The following EMCN variants were observed in gnomAD, a reference collection of about 807,000 sequenced individuals.
The protein encoded by EMCN is endomucin, also known as MUC-14.
In EMCN, 37 loss-of-function variants were observed where a neutral mutation model predicts 38.4. That is an observed-to-expected ratio of 0.96 (90% CI 0.74 to 1.27). The LOEUF is 1.27. Among genes scored for constraint, EMCN ranks in the 50% most tolerant of loss-of-function variants. The pLI is 0.00. For synonymous variants in EMCN, 95 were observed against 100.8 expected (o/e 0.94, Z 0.35); for missense variants, 318 against 302.8 (o/e 1.05, Z -0.37).
chr4:100,430,255 G>A (rs1727159927), intron 5 of EMCN, among the ~76,000 whole-genome samples: 1 of 152,156 alleles, frequency 6.6e-6, no homozygotes, highest in South Asian at 2.1e-4. Flanking sequence ...GGGCCCCACA[G>A]TAAGTAGGTG....
intron 11 of EMCN, among the ~76,000 whole-genome samples, chr4:100,404,159 G>T (rs951950288): frequency 6.6e-6 from 1 of 151,938 alleles, no homozygotes; most frequent in Non-Finnish European, 1.5e-5. Context: ...GTATTTCCTA[G>T]GTATTCTTCT....
intron 3 of EMCN, among the ~76,000 whole-genome samples, chr4:100,469,428 G>T (rs1728412029): frequency 6.6e-6 from 1 of 151,740 alleles, no homozygotes; most frequent in African/African-American, 2.4e-5. Context: ...TAAATAAATG[G>T]GACTACATCA....
chr4:100,440,713 C>T (rs1462987868), intron 5 of EMCN, among the ~76,000 whole-genome samples: 5 of 151,966 alleles, frequency 3.3e-5, no homozygotes, highest in Non-Finnish European at 7.4e-5. Context: ...AGTTGTAAAT[C>T]ATGTTACTAT....
intron 5 of EMCN, among the ~76,000 whole-genome samples, chr4:100,431,458 T>C (rs1265335005): frequency 1.3e-5 from 2 of 152,114 alleles, no homozygotes; most frequent in African/African-American, 4.8e-5. Context: ...GTCCAACCAG[T>C]TGAAACCCTG....
chr4:100,401,189 A>ATACTC (rs1726248663), intron 11 of EMCN, among the ~76,000 whole-genome samples: 2 of 152,194 alleles, frequency 1.3e-5, no homozygotes, highest in Admixed American at 1.3e-4. Context: ...TACGATCATA[A>ATACTC]TATACAGTTG....
chr4:100,398,833 T>C (rs963305200), intron 11 of EMCN, among the ~76,000 whole-genome samples: 2 of 152,190 alleles, frequency 1.3e-5, no homozygotes, highest in Non-Finnish European at 2.9e-5. Context: ...AGTGGAATAT[T>C]GCAATAGCCT....
intron 1 of EMCN, among the ~76,000 whole-genome samples, chr4:100,482,965 TTCC>T (rs1728851410): frequency 6.6e-6 from 1 of 152,154 alleles, no homozygotes; most frequent in Non-Finnish European, 1.5e-5. Flanking sequence ...TGTAAGGCTT[TTCC>T]TCCTCAACAT....
chr4:100,509,828 G>A (rs942262218), intron 1 of EMCN, among the ~76,000 whole-genome samples: 1 of 152,024 alleles, frequency 6.6e-6, no homozygotes, highest in African/African-American at 2.4e-5. Flanking sequence ...AACTAGTAAG[G>A]GAAAATTCTG....
At chr4:100,414,209 C>A (rs1422273645) in intron 10 of EMCN, among the ~76,000 whole-genome samples, 1 of 152,130 alleles carries the variant, frequency 6.6e-6, no homozygotes. Context: ...AACATGACTG[C>A]AGAGGGTTTG....
Position 100,395,990 on chromosome 4 carries a change from A to C in EMCN, c.*2423T>G, listed in dbSNP as rs989279124. On this transcript the variant is annotated 3_prime_UTR_variant, in exon 12 of 12. Coordinates refer to ENST00000296420, the MANE Select transcript of EMCN (RefSeq NM_016242.4). The stretch of plus-strand genomic sequence containing the variant: ...CTAAATACAGGCACTTCTTTGTTGC[A>C]ATGATGTTTGAACTGTGTATCAGAA... 1.3e-5 allele frequency: 2 copies of C among 152,166 alleles called. No homozygotes were observed. The highest frequency in any genetic ancestry group is 4.8e-5 in the African/African-American group (2 of 41,460). The allele number at this position is 152,166 out of a possible 1,614,324, so 9.4% of individuals were successfully genotyped here. A position where few individuals can be genotyped will look rare whatever the true frequency, so the allele number is the denominator to read the frequency against.
chr4:100,419,637 C>G (rs192727124), intron 8 of EMCN, among the ~76,000 whole-genome samples: 1 of 152,046 alleles, frequency 6.6e-6, no homozygotes, highest in South Asian at 2.1e-4. Context: ...TTACTCAACA[C>G]TCTCAGGCTG....
chr4:100,422,000 G>GCCTT (rs1158338244), intron 7 of EMCN, among the ~76,000 whole-genome samples: 5 of 151,732 alleles, frequency 3.3e-5, no homozygotes, highest in African/African-American at 1.2e-4. Context: ...GAAGAGTATT[G>GCCTT]CCTGCCTTCC....
chr4:100,418,707 C>G (rs539379437), intron 8 of EMCN, among the ~76,000 whole-genome samples: 5 of 152,216 alleles, frequency 3.3e-5, no homozygotes, highest in Admixed American at 2.0e-4. Flanking sequence ...CATGTTGTTG[C>G]AAATGACAGG....
At chr4:100,466,265 T>A (rs376568778) in intron 3 of EMCN, among the ~76,000 whole-genome samples, 18 of 152,186 alleles carry the variant, frequency 1.2e-4, no homozygotes, top group East Asian at 1.2e-3. Flanking sequence ...AATGCAGACA[T>A]GCCATTTACT....
chr4:100,508,526 A>G (rs961898744), intron 1 of EMCN, among the ~76,000 whole-genome samples: 1 of 152,194 alleles, frequency 6.6e-6, no homozygotes, highest in African/African-American at 2.4e-5. Flanking sequence ...TGATCTAGGA[A>G]CAACTGAATT....
chr4:100,463,854 TCTAA>T (rs1414171946), intron 4 of EMCN, among the ~76,000 whole-genome samples: 2 of 152,172 alleles, frequency 1.3e-5, no homozygotes, highest in African/African-American at 2.4e-5. Flanking sequence ...GGTTGTGTCC[TCTAA>T]CTTTGTTCTT....
intron 1 of EMCN, among the ~76,000 whole-genome samples, chr4:100,514,164 A>G (rs1160345003): frequency 6.6e-6 from 1 of 152,066 alleles, no homozygotes; most frequent in African/African-American, 2.4e-5. Context: ...TTAATTTACC[A>G]TTGAACATCT....
At chr4:100,409,493 C>T (rs1326192707) in intron 11 of EMCN, among the ~76,000 whole-genome samples, 1 of 152,144 alleles carries the variant, frequency 6.6e-6, no homozygotes, top group African/African-American at 2.4e-5. Flanking sequence ...CTGGTCATGA[C>T]ATGGAACATA....
chr4:100,493,962 A>C (rs1014503481), intron 1 of EMCN, among the ~76,000 whole-genome samples: 1 of 152,230 alleles, frequency 6.6e-6, no homozygotes, highest in African/African-American at 2.4e-5. Context: ...AAATACCTAC[A>C]GAGTAGAGGA....
Sources: allele counts gnomAD v4.1 joint callset (sites outside exome capture counted in the v4.1 genomes callset), GRCh38; gene constraint gnomAD v4.1.1; transcripts MANE v1.5; gene names NCBI Gene and HGNC (gene_info 2026-07-23, HGNC 2026-07-21).